The following ULK4 variants were observed in gnomAD, a reference collection of about 807,000 sequenced individuals.
The protein encoded by ULK4 is unc-51 like kinase 4.
In ULK4, 133 loss-of-function variants were observed where a neutral mutation model predicts 160.6. The ratio of observed to expected loss-of-function variants is 0.83; its 90% CI spans 0.72 to 0.96. The LOEUF is 0.96. Among genes scored for constraint, ULK4 ranks in the 40% least tolerant of loss-of-function variants. ULK4 has a pLI of 0.00. For synonymous variants in ULK4, 534 were observed against 539.8 expected (o/e 0.99, Z 0.15); for missense variants, 1,580 against 1,499.5 (o/e 1.05, Z -0.89).
intron 18 of ULK4, among the ~76,000 whole-genome samples, chr3:41,824,275 G>A (rs1490059494): frequency 6.6e-6 from 1 of 151,882 alleles, no homozygotes; most frequent in Non-Finnish European, 1.5e-5. Flanking sequence ...ATTTCCAACT[G>A]AGGTACCAGG....
At position 41,777,865 on chromosome 3, in the gene ULK4, C is replaced by A. The variant is rs1467960748; in HGVS notation, c.2193+11796G>T. Among the ~76,000 whole-genome samples, 10 of 143,820 alleles carry A rather than the reference C, an allele frequency of 7.0e-5. 2 individuals carry two copies. The highest frequency in any genetic ancestry group is 2.6e-4 in the African/African-American group (10 of 38,032). The allele number at this position is 143,820 out of a possible 152,430, so 94.4% of individuals were successfully genotyped here. A position where few individuals can be genotyped will look rare whatever the true frequency, so the allele number is the denominator to read the frequency against. ...CAACTACATGGTCAATTTAAACCCA[C>A]AGCCAATATCATACTGAATGGGCAA... On this transcript the variant is annotated intron_variant, in intron 21 of 36. Coordinates refer to ENST00000301831, the MANE Select transcript of ULK4 (RefSeq NM_017886.4).
At chr3:41,570,467 A>G (rs929854425) in intron 31 of ULK4, among the ~76,000 whole-genome samples, 5 of 151,796 alleles carry the variant, frequency 3.3e-5, no homozygotes, top group African/African-American at 1.2e-4. Context: ...GTAACCAACG[A>G]TACATAAAAA....
chr3:41,364,773 T>C (rs1242671809), intron 35 of ULK4, among the ~76,000 whole-genome samples: 2 of 152,150 alleles, frequency 1.3e-5, no homozygotes, highest in African/African-American at 4.8e-5. Context: ...TGAAAATATA[T>C]GGAACTGGCT....
chr3:41,886,663 C>A lies in ULK4; in HGVS notation c.1578-2711G>T, dbSNP rs375794564. On this transcript the variant is annotated intron_variant, in intron 16 of 36. Transcript: ENST00000301831. ...CAATCTCAGCTCACTGCACCCTCCGCCTCCTGGGTTCAAGCCATTCTCCTG... is the reference window on the plus strand; with the variant it reads ...CAATCTCAGCTCACTGCACCCTCCGACTCCTGGGTTCAAGCCATTCTCCTG... 1.0e-3 allele frequency among the ~76,000 whole-genome samples: 155 copies of A among 152,026 alleles called. 4 individuals are homozygous for A. The South Asian group carries it at 0.031, about 30-fold the overall frequency.
chr3:41,441,546 T>A (rs983255342), intron 34 of ULK4, among the ~76,000 whole-genome samples: 1 of 152,134 alleles, frequency 6.6e-6, no homozygotes, highest in Non-Finnish European at 1.5e-5. Flanking sequence ...TATTTACATA[T>A]GTATAAATTT....
intron 35 of ULK4, among the ~76,000 whole-genome samples, chr3:41,335,949 A>G (rs912182600): frequency 3.9e-5 from 6 of 152,178 alleles, no homozygotes; most frequent in Non-Finnish European, 5.9e-5. Flanking sequence ...CACAGGAAAA[A>G]CTGTGCCACA....
In ULK4 at chr3:41,246,648, C is replaced by A; in HGVS notation, c.*281G>T. On this transcript the variant is annotated 3_prime_UTR_variant, in exon 37 of 37. Transcript: ENST00000301831. ...TACCACAGGCAGTGCTAACCTTAGC[C>A]CACCTGGCCCACACAGAGAGGGAAA... 2 of 401,842 alleles carry A rather than the reference C, an allele frequency of 5.0e-6. No individual in the cohort carries two copies. The highest frequency in any genetic ancestry group is 7.3e-5 in the Admixed American group (2 of 27,344). The allele number at this position is 401,842 out of a possible 1,614,324, so 24.9% of individuals were successfully genotyped here. A position where few individuals can be genotyped will look rare whatever the true frequency, so the allele number is the denominator to read the frequency against.
intron 32 of ULK4, among the ~76,000 whole-genome samples, chr3:41,529,785 G>A (rs2086240581): frequency 6.6e-6 from 1 of 152,170 alleles, no homozygotes; most frequent in Non-Finnish European, 1.5e-5. Context: ...GAGCCACCAC[G>A]CCCAGCCAGG....
chr3:41,326,841 C>T (rs924850175), intron 35 of ULK4, among the ~76,000 whole-genome samples: 5 of 152,188 alleles, frequency 3.3e-5, no homozygotes, highest in Admixed American at 3.3e-4. Context: ...ATCCATTAGC[C>T]AGCCTAGCAA....
At chr3:41,359,401 A>G (rs2081095311) in intron 35 of ULK4, among the ~76,000 whole-genome samples, 1 of 152,218 alleles carries the variant, frequency 6.6e-6, no homozygotes, top group African/African-American at 2.4e-5. Context: ...TTAGGACCCA[A>G]TCTTCAGGCA....
At chr3:41,679,208 A>G (rs993934808) in intron 29 of ULK4, among the ~76,000 whole-genome samples, 1 of 152,226 alleles carries the variant, frequency 6.6e-6, no homozygotes, top group Non-Finnish European at 1.5e-5. Context: ...ATGAGATTAA[A>G]ATAATGAGCC....
At chr3:41,455,427 G>C (rs878922061) in intron 34 of ULK4, 70 bp downstream of exon 34, 1 of 1,386,058 alleles carries the variant, frequency 7.2e-7, no homozygotes, top group East Asian at 2.3e-5. Context: ...AAACTCAAGA[G>C]ATCAGGAAAT....
chr3:41,741,642 T>C (rs1403514890), intron 22 of ULK4, among the ~76,000 whole-genome samples: 1 of 152,002 alleles, frequency 6.6e-6, no homozygotes, highest in Non-Finnish European at 1.5e-5. Context: ...TAGTCATAGA[T>C]GTTTCCAATC....
At chr3:41,884,212 A>G (rs963262235) in intron 16 of ULK4, among the ~76,000 whole-genome samples, 1 of 152,210 alleles carries the variant, frequency 6.6e-6, no homozygotes, top group Non-Finnish European at 1.5e-5. Context: ...GTTTAATAGT[A>G]AAACGAAAAA....
intron 35 of ULK4, among the ~76,000 whole-genome samples, chr3:41,363,218 G>A (rs1414008212): frequency 6.6e-6 from 1 of 152,246 alleles, no homozygotes; most frequent in African/African-American, 2.4e-5. Context: ...AATTGGCAAT[G>A]GTCCTCTGGT....
chr3:41,602,648 T>C (rs1383501470), intron 31 of ULK4, among the ~76,000 whole-genome samples: 1 of 152,086 alleles, frequency 6.6e-6, no homozygotes, highest in Non-Finnish European at 1.5e-5. Context: ...TTAATAGCAG[T>C]CCAAGGACTA....
At chr3:41,508,769 G>A (rs1244979554) in intron 32 of ULK4, among the ~76,000 whole-genome samples, 8 of 152,150 alleles carry the variant, frequency 5.3e-5, no homozygotes, top group Non-Finnish European at 1.2e-4. Context: ...CCTAGGGGAA[G>A]GGTGAGAACA....
chr3:41,713,130 A>G (rs2037160823), intron 25 of ULK4, among the ~76,000 whole-genome samples: 1 of 151,390 alleles, frequency 6.6e-6, no homozygotes, highest in South Asian at 2.1e-4. Flanking sequence ...GCCTTTGCCT[A>G]AAAAAAAATT....
At chr3:41,512,039 T>G (rs868367608) in intron 32 of ULK4, among the ~76,000 whole-genome samples, 12 of 152,084 alleles carry the variant, frequency 7.9e-5, no homozygotes, top group African/African-American at 2.9e-4. Context: ...CAGACTATCA[T>G]CTCAATAGAT....
Sources: gnomAD v4.1 joint callset for allele counts (sites outside exome capture counted in the v4.1 genomes callset) on GRCh38, gnomAD v4.1.1 for gene constraint, MANE v1.5 for transcripts, NCBI Gene and HGNC (gene_info 2026-07-23, HGNC 2026-07-21) for gene names.